Variants in SNTA1 observed in about 807,000 individuals in gnomAD.
The protein encoded by SNTA1 is syntrophin alpha 1.
A neutral mutation model predicts 47.1 loss-of-function variants in SNTA1; 31 were observed. The observed-to-expected ratio is 0.66, with a 90% CI of 0.49 to 0.89. The LOEUF is 0.89. Among genes scored for constraint, SNTA1 ranks in the 40% least tolerant of loss-of-function variants. The pLI, the probability that SNTA1 is intolerant of heterozygous loss-of-function variation, is 0.00. For synonymous variants in SNTA1, 300 were observed against 313.6 expected, an observed-to-expected ratio of 0.96 and a Z score of 0.46; for missense variants, 575 against 693.0, an observed-to-expected ratio of 0.83 and a Z score of 1.91.
chr20:33,437,855 T>A (rs1990479686), intron 2 of SNTA1, among the ~76,000 whole-genome samples: 1 of 152,188 alleles, frequency 6.6e-6, no homozygotes, highest in Non-Finnish European at 1.5e-5. Flanking sequence ...AGGAGGCGTG[T>A]AACAACTGAT....
rs766990229 is a variant in SNTA1 at position 33,412,381 on chromosome 20, T to C, written c.955A>G (p.Lys319Glu). Residue 319 changes from lysine to glutamate, a missense_variant, in exon 5 of 8, where the codon AAG becomes GAG. By Grantham distance (56) the Lys-to-Glu change is moderately conservative. Transcript: ENST00000217381. ...AGAGACAAGTAGAGGAGCAGTTCCTTTTCAGTTAGCAGGGCCAGGGTGGGG... is the reference window on the plus strand; with the variant it reads ...AGAGACAAGTAGAGGAGCAGTTCCTCTTCAGTTAGCAGGGCCAGGGTGGGG... ...TAPTLALLTE[K>E]ELLLYLSLPE... The C allele has an allele frequency of 9.9e-6, 16 of 1,611,340 alleles. No homozygotes were observed. The highest frequency in any genetic ancestry group is 1.2e-5 in the Non-Finnish European group (14 of 1,179,286).
At chr20:33,435,982 CAGG>C (rs1990431578) in intron 2 of SNTA1, among the ~76,000 whole-genome samples, 1 of 152,124 alleles carries the variant, frequency 6.6e-6, no homozygotes, top group African/African-American at 2.4e-5. Context: ...ATCACAAGGT[CAGG>C]AGATCGAGAC....
At chr20:33,437,847 G>C (rs912899456) in intron 2 of SNTA1, among the ~76,000 whole-genome samples, 3 of 152,272 alleles carry the variant, frequency 2.0e-5, no homozygotes, top group Admixed American at 2.0e-4. Flanking sequence ...ACCTCAGCAG[G>C]AGGCGTGTAA....
intron 2 of SNTA1, among the ~76,000 whole-genome samples, chr20:33,433,915 G>A (rs749135287): frequency 5.3e-5 from 8 of 152,140 alleles, no homozygotes; most frequent in Non-Finnish European, 1.2e-4. Flanking sequence ...CCCCAACTTA[G>A]GCCAGGGAAG....
intron 2 of SNTA1, among the ~76,000 whole-genome samples, chr20:33,418,159 T>C (rs1373526050): frequency 1.4e-4 from 21 of 151,632 alleles, no homozygotes; most frequent in Admixed American, 1.3e-3. Context: ...CCCGCCTATA[T>C]CCCTTCTCTC....
At chr20:33,439,693 A>C (rs1179790701) in intron 1 of SNTA1, among the ~76,000 whole-genome samples, 1 of 152,204 alleles carries the variant, frequency 6.6e-6, no homozygotes, top group Non-Finnish European at 1.5e-5. Flanking sequence ...CAAAAATTAA[A>C]AATGAAAATA....
chr20:33,441,017 A>T (rs898099725), intron 1 of SNTA1, among the ~76,000 whole-genome samples: 1 of 152,248 alleles, frequency 6.6e-6, no homozygotes, highest in African/African-American at 2.4e-5. Context: ...CTTGGATACA[A>T]AAGAAGCTAA....
At chr20:33,424,779 C>T (rs1376732138) in intron 2 of SNTA1, among the ~76,000 whole-genome samples, 1 of 150,782 alleles carries the variant, frequency 6.6e-6, no homozygotes, top group African/African-American at 2.4e-5. Flanking sequence ...CTCCAATGTG[C>T]TGGGATTACA....
intron 2 of SNTA1, among the ~76,000 whole-genome samples, chr20:33,422,242 C>A (rs1199827546): frequency 1.3e-5 from 2 of 151,160 alleles, no homozygotes; most frequent in Non-Finnish European, 2.9e-5. Flanking sequence ...AGATCGAGAC[C>A]ATCTTGGCCA....
At chr20:33,434,982 CTTTTTTT>C (rs11475592) in intron 2 of SNTA1, among the ~76,000 whole-genome samples, 4 of 55,186 alleles carry the variant, frequency 7.2e-5, no homozygotes, top group Admixed American at 2.8e-4. Context: ...CAGGCACCAG[CTTTTTTT>C]TTTTTTTTTT....
chr20:33,412,990 C>T (rs548125146), intron 3 of SNTA1, among the ~76,000 whole-genome samples: 1 of 152,096 alleles, frequency 6.6e-6, no homozygotes, highest in South Asian at 2.1e-4. Context: ...CATATACACA[C>T]GTGTTCATAT....
At chr20:33,425,809 C>T (rs1455743310) in intron 2 of SNTA1, among the ~76,000 whole-genome samples, 1 of 152,190 alleles carries the variant, frequency 6.6e-6, no homozygotes, top group Non-Finnish European at 1.5e-5. Context: ...CACTGGCTCC[C>T]GCCTGTAATC....
At chr20:33,431,403 A>G (rs1251478093) in intron 2 of SNTA1, among the ~76,000 whole-genome samples, 2 of 152,122 alleles carry the variant, frequency 1.3e-5, no homozygotes, top group East Asian at 3.9e-4. Flanking sequence ...TCATCTATAC[A>G]ATGAACAATG....
rs1296048691 is a variant in SNTA1, at chr20:33,443,302, C to A, written c.310+9G>T. 6.6e-7 allele frequency: 1 copy of A among 1,507,778 alleles called. No individual in the cohort carries two copies. Among genetic ancestry groups the A allele is most frequent in the South Asian group, 1.2e-5 (1 of 81,446 alleles). The allele number at this position is 1,507,778 out of a possible 1,614,324, so 93.4% of individuals were successfully genotyped here. On this transcript the variant is annotated intron_variant, in intron 1 of 7. Transcript: ENST00000217381. Reference sequence around the variant, plus strand: ...CCACGACCCCGCGCCCTCGGTGTCCCGCGCCCACCTTTGATGCTGATGCCC... The same window carrying A: ...CCACGACCCCGCGCCCTCGGTGTCCAGCGCCCACCTTTGATGCTGATGCCC...
At chr20:33,422,112 T>G (rs1281883697) in intron 2 of SNTA1, among the ~76,000 whole-genome samples, 1 of 151,986 alleles carries the variant, frequency 6.6e-6, no homozygotes, top group African/African-American at 2.4e-5. Context: ...TCCGATTCTG[T>G]GTGTTAGGGT....
At chr20:33,418,055 G>A in intron 2 of SNTA1, 132 bp from the exon 3 acceptor site, 1 of 640,724 alleles carries the variant, frequency 1.6e-6, no homozygotes, top group Non-Finnish European at 2.7e-6. Context: ...GTCCAGTAGT[G>A]ATATTAACAA....
intron 2 of SNTA1, among the ~76,000 whole-genome samples, chr20:33,419,529 A>G (rs1034587398): frequency 2.0e-5 from 3 of 152,156 alleles, no homozygotes; most frequent in African/African-American, 7.2e-5. Flanking sequence ...CCTGGGTCTG[A>G]CTTTTGGGGA....
intron 2 of SNTA1, among the ~76,000 whole-genome samples, chr20:33,420,940 C>A (rs1279845571): frequency 1.3e-5 from 2 of 149,788 alleles, no homozygotes; most frequent in African/African-American, 4.9e-5. Context: ...GCCAAGATTG[C>A]GCCACTGCAC....
chr20:33,418,050 G>C (rs1327600989), intron 2 of SNTA1, 127 bp from the exon 3 acceptor site: 2 of 654,230 alleles, frequency 3.1e-6, no homozygotes, highest in Admixed American at 2.7e-5. Context: ...CAAGAGTCCA[G>C]TAGTGATATT....
Sources: gnomAD v4.1 joint callset for allele counts (sites outside exome capture counted in the v4.1 genomes callset) on GRCh38, gnomAD v4.1.1 for gene constraint, MANE v1.5 for transcripts, NCBI Gene and HGNC (gene_info 2026-07-23, HGNC 2026-07-21) for gene names.